MARCHF7: variants seen among roughly 807,000 people sequenced by gnomAD.
MARCHF7 encodes the protein membrane associated ring-CH-type finger 7, also known as E3 ubiquitin-protein ligase MARCHF7.
A neutral mutation model predicts 76.5 loss-of-function variants in MARCHF7; 20 were observed. The ratio of observed to expected loss-of-function variants is 0.26; its 90% CI spans 0.18 to 0.38. The LOEUF (loss-of-function observed/expected upper bound fraction) is 0.38, where lower values mean the gene tolerates loss of function less well. MARCHF7 is among the 10% of genes least tolerant of loss of function. MARCHF7 has a pLI of 1.00. For missense variants in MARCHF7, 797 were observed against 812.9 expected, an observed-to-expected ratio of 0.98 and a Z score of 0.24; for synonymous variants, 295 against 293.0, an observed-to-expected ratio of 1.01 and a Z score of -0.07.
At chr2:159,764,483 A>G (rs1330471295) in intron 10 of MARCHF7, 143 bp from the exon 11 acceptor site, 2 of 448,872 alleles carry the variant, frequency 4.5e-6, no homozygotes, top group Non-Finnish European at 7.9e-6. Context: ...GTGATTTTTG[A>G]TGTTAGGGGG....
rs571304004 is a variant in MARCHF7 at position 159,732,599 on chromosome 2, A to G, written c.153+3424A>G. 2.6e-5 allele frequency among the ~76,000 whole-genome samples: 4 copies of G among 152,240 alleles called. No individual in the cohort carries two copies. The South Asian group carries it at 8.3e-4, about 32-fold the overall frequency. On this transcript the variant is annotated intron_variant, in intron 4 of 11. Transcript: ENST00000409175. ...GCAATCATGACTCGGCGCAGCCACA[A>G]CTTTCTGGGCACAAGCAATCCTCCT...
intron 4 of MARCHF7, chr2:159,734,037 A>G: frequency 7.4e-7 from 1 of 1,356,826 alleles, no homozygotes; most frequent in Non-Finnish European, 9.7e-7. Flanking sequence ...TTTTTATCAC[A>G]ATTTGAATGA....
rs569220924 is a variant in MARCHF7, at chr2:159,737,495, A to G, written c.154-5566A>G. Among the ~76,000 whole-genome samples, 3 of 152,338 alleles carry G rather than the reference A, an allele frequency of 2.0e-5. 1 individual carries two copies. Among genetic ancestry groups the G allele is most frequent in the Admixed American group, 1.3e-4 (2 of 15,310 alleles). ...CACTAGCATAGCCAAAATAAAAAAG[A>G]TGGATAGGCTGGGCACAGTGACTCA... On this transcript the variant is annotated intron_variant, in intron 4 of 11. Transcript: ENST00000409175.
intron 5 of MARCHF7, 22 bp downstream of exon 5, chr2:159,743,275 T>C: frequency 6.3e-7 from 1 of 1,598,806 alleles, no homozygotes; most frequent in Non-Finnish European, 8.5e-7. Context: ...TTTCTGTAGG[T>C]ATTTTAAGCC....
At chr2:159,723,273 G>A (rs1574211838) in intron 3 of MARCHF7, among the ~76,000 whole-genome samples, 1 of 152,138 alleles carries the variant, frequency 6.6e-6, no homozygotes, top group Non-Finnish European at 1.5e-5. Context: ...TATATAGTTT[G>A]TAAAAAGCCG....
chr2:159,769,172 A>G lies in MARCHF7; in HGVS notation c.*1830A>G, dbSNP rs968765204. On this transcript the variant is annotated 3_prime_UTR_variant, in exon 12 of 12. Transcript: ENST00000409175. ...GCAATTTTCTAAGAAAATGTAGTTT[A>G]AAATGTTATTCTGAATATCTGCCAA... 6.6e-6 allele frequency: 1 copy of G among 152,224 alleles called. No individual in the cohort carries two copies. The highest frequency in any genetic ancestry group is 6.5e-5 in the Admixed American group (1 of 15,282). 9.4% of individuals were successfully genotyped at this position (152,224 alleles called of 1,614,324 possible).
At chr2:159,754,101 AAGTT>A (rs1037051811) in intron 8 of MARCHF7, among the ~76,000 whole-genome samples, 2 of 152,196 alleles carry the variant, frequency 1.3e-5, no homozygotes, top group African/African-American at 2.4e-5. Context: ...GATACACTGA[AAGTT>A]AGTTTCAGTT....
chr2:159,734,226 G>C, intron 4 of MARCHF7: 1 of 734,492 alleles, frequency 1.4e-6, no homozygotes, highest in Admixed American at 4.3e-5. Flanking sequence ...TGTTTGTTCT[G>C]TTTTGCCTTG....
chr2:159,726,552 G>A (rs1040191838), intron 3 of MARCHF7, among the ~76,000 whole-genome samples: 13 of 152,026 alleles, frequency 8.6e-5, no homozygotes, highest in Admixed American at 2.0e-4. Context: ...ATGAGCCACC[G>A]CCCCCGGCCA....
At chr2:159,764,253 T>C (rs112730604) in intron 10 of MARCHF7, among the ~76,000 whole-genome samples, 2,734 of 123,386 alleles carry the variant, frequency 0.022, 35 homozygotes, top group South Asian at 0.046. Flanking sequence ...TGTGTGTGTG[T>C]GTGCGCGCGC....
intron 4 of MARCHF7, among the ~76,000 whole-genome samples, chr2:159,741,522 T>C (rs892404322): frequency 6.6e-6 from 1 of 152,258 alleles, no homozygotes; most frequent in Admixed American, 6.5e-5. Context: ...ACTTTCACTG[T>C]ACTTACTATT....
At chr2:159,737,096 C>A (rs1441723539) in intron 4 of MARCHF7, among the ~76,000 whole-genome samples, 2 of 152,138 alleles carry the variant, frequency 1.3e-5, no homozygotes, top group Admixed American at 1.3e-4. Flanking sequence ...TCTTTAAACT[C>A]CAGTGTAAAT....
At chr2:159,720,250 T>C (rs1701489161) in intron 3 of MARCHF7, among the ~76,000 whole-genome samples, 1 of 152,218 alleles carries the variant, frequency 6.6e-6, no homozygotes, top group African/African-American at 2.4e-5. Context: ...GGTCTTGAAC[T>C]CATGACCTCG....
At chr2:159,717,730 A>G (rs960463695) in intron 3 of MARCHF7, among the ~76,000 whole-genome samples, 5 of 152,230 alleles carry the variant, frequency 3.3e-5, no homozygotes, top group African/African-American at 7.2e-5. Context: ...GTTGCCCTCA[A>G]TTAACAAAGT....
intron 8 of MARCHF7, among the ~76,000 whole-genome samples, chr2:159,758,271 C>T (rs1284271660): frequency 6.6e-6 from 1 of 152,060 alleles, no homozygotes; most frequent in Non-Finnish European, 1.5e-5. Context: ...AACCAAAAAG[C>T]TTAGGAATAA....
At chr2:159,761,378 G>A (rs1441092515) in intron 9 of MARCHF7, among the ~76,000 whole-genome samples, 1 of 138,062 alleles carries the variant, frequency 7.2e-6, no homozygotes, top group African/African-American at 2.6e-5. Context: ...TTAAAAATAA[G>A]CAACAATAAT....
Position 159,743,127 on chromosome 2 carries a change from C to G in MARCHF7, c.220C>G (p.Gln74Glu), listed in dbSNP as rs2125549951. 3 of 1,614,178 alleles carry G rather than the reference C, an allele frequency of 1.9e-6. No homozygotes were observed. The East Asian group carries it at 6.7e-5, about 36-fold the overall frequency. The stretch of plus-strand genomic sequence containing the variant: ...ATGGTATAGTGAATCTGAGATAACT[C>G]AGGGAGCACGCTCAAGATCGCAGAA... The part of the protein sequence containing the change: ...SAWYSESEIT[Q>E]GARSRSQNQQ... The change falls in exon 5 of 12, where the codon CAG becomes GAG. Residue 74 changes from glutamine to glutamate, a missense_variant. Gln to Glu is a conservative substitution (Grantham distance 29). This residue lies in a region of MARCHF7 where 643 missense variants were observed against 631.5 expected (regional missense o/e 1.02). Transcript: ENST00000409175.
chr2:159,748,978 C>CT lies in MARCHF7; in HGVS notation c.1613+93dup, dbSNP rs1244353725. Reference sequence around the variant, plus strand: ...ACTCTTCATTTCTTTTTTTTCTTTTCTTTTTTTTTTTTTTTTTTGAGACGG... The same window carrying CT: ...ACTCTTCATTTCTTTTTTTTCTTTTCTTTTTTTTTTTTTTTTTTTGAGACGG... On this transcript the variant is annotated intron_variant, in intron 7 of 11. Coordinates refer to ENST00000409175, the MANE Select transcript of MARCHF7 (RefSeq NM_001282805.2). 6.2e-3 allele frequency: 4,815 copies of CT among 774,514 alleles called. 3 individuals carry two copies. The highest frequency in any genetic ancestry group is 0.018 in the East Asian group (440 of 24,292). The allele number at this position is 774,514 out of a possible 1,614,324, so 48.0% of individuals were successfully genotyped here. A position where few individuals can be genotyped will look rare whatever the true frequency, so the allele number is the denominator to read the frequency against.
At chr2:159,755,655 T>C (rs1221095849) in intron 8 of MARCHF7, among the ~76,000 whole-genome samples, 1 of 152,162 alleles carries the variant, frequency 6.6e-6, no homozygotes, top group Non-Finnish European at 1.5e-5. Context: ...AATTTACTGA[T>C]ATTAGACCAC....
Sources: gnomAD v4.1 joint callset for allele counts (sites outside exome capture counted in the v4.1 genomes callset) on GRCh38, gnomAD v4.1.1 for gene constraint, gnomAD v4.1.1 regional missense constraint, MANE v1.5 for transcripts, NCBI Gene and HGNC (gene_info 2026-07-23, HGNC 2026-07-21) for gene names.